The following CPED1 variants were observed in gnomAD, a reference collection of about 807,000 sequenced individuals.
CPED1 encodes the protein cadherin-like and PC-esterase domain-containing protein 1.
A neutral mutation model predicts 128.2 loss-of-function variants in CPED1; 114 were observed. The observed-to-expected ratio is 0.89, with a 90% CI of 0.76 to 1.04. The LOEUF (loss-of-function observed/expected upper bound fraction) is 1.04. Ranked by LOEUF, CPED1 falls within the 50% of genes least tolerant of loss-of-function variation. CPED1 has a pLI of 0.00. For synonymous variants in CPED1, 462 were observed against 426.7 expected, an observed-to-expected ratio of 1.08 and a Z score of -1.02; for missense variants, 1,211 against 1,207.1, an observed-to-expected ratio of 1.00 and a Z score of -0.05.
chr7:121,281,543 C>A (rs762547240), intron 22 of CPED1, among the ~76,000 whole-genome samples: 1 of 152,046 alleles, frequency 6.6e-6, no homozygotes, highest in Non-Finnish European at 1.5e-5. Flanking sequence ...ACTGGCAGAT[C>A]CCTTACCATA....
chr7:121,082,585 C>G (rs1457847612), intron 5 of CPED1, among the ~76,000 whole-genome samples: 1 of 152,086 alleles, frequency 6.6e-6, no homozygotes, highest in Admixed American at 6.6e-5. Flanking sequence ...AAATTTTTAA[C>G]TTATATGTCA....
At chr7:120,996,843 ATATTCTAGG>A (rs2116745075) in intron 2 of CPED1, among the ~76,000 whole-genome samples, 1 of 152,302 alleles carries the variant, frequency 6.6e-6, no homozygotes, top group South Asian at 2.1e-4. Flanking sequence ...ATCTGCCTGC[ATATTCTAGG>A]CAGTCTGTGC....
intron 3 of CPED1, among the ~76,000 whole-genome samples, chr7:121,017,532 T>A (rs1792332622): frequency 6.6e-6 from 1 of 152,166 alleles, no homozygotes; most frequent in Non-Finnish European, 1.5e-5. Context: ...TACTGCACAC[T>A]GCCATGGGAC....
At chr7:121,148,206 A>AGTGAAG (rs1170253541) in intron 16 of CPED1, among the ~76,000 whole-genome samples, 1 of 152,218 alleles carries the variant, frequency 6.6e-6, no homozygotes, top group African/African-American at 2.4e-5. Flanking sequence ...TATGTGCTAT[A>AGTGAAG]GTGAAGTGCT....
chr7:121,266,537 C>T, intron 19 of CPED1, 90 bp downstream of exon 19: 2 of 1,235,076 alleles, frequency 1.6e-6, no homozygotes, highest in Non-Finnish European at 2.4e-6. Flanking sequence ...CACTGTACAT[C>T]AAATGTGCTC....
intron 5 of CPED1, among the ~76,000 whole-genome samples, chr7:121,089,612 G>C (rs1435117153): frequency 2.0e-5 from 3 of 152,016 alleles, no homozygotes; most frequent in African/African-American, 7.2e-5. Context: ...TTATTATTCT[G>C]ACTTAAATTA....
At chr7:121,270,730 C>T (rs935417735) in intron 21 of CPED1, among the ~76,000 whole-genome samples, 2 of 151,962 alleles carry the variant, frequency 1.3e-5, no homozygotes, top group African/African-American at 4.8e-5. Flanking sequence ...CTTCATTGGT[C>T]TATGTGTCTG....
chr7:121,016,383 G>A lies in CPED1; in HGVS notation c.433+535G>A, dbSNP rs1185822687. On this transcript the variant is annotated intron_variant, in intron 3 of 22. Coordinates refer to ENST00000310396, the MANE Select transcript of CPED1 (RefSeq NM_024913.5). ...ACAAGTTATTTGCAAAGAAAGTTGA[G>A]TAAATAATGAGAGTCAAAAGGGCAA... 3.9e-5 allele frequency among the ~76,000 whole-genome samples: 6 copies of A among 152,326 alleles called. 1 individual carries two copies. The highest frequency in any genetic ancestry group is 5.9e-5 in the Non-Finnish European group (4 of 68,036).
chr7:121,168,364 T>A (rs887747035), intron 16 of CPED1, among the ~76,000 whole-genome samples: 2 of 152,242 alleles, frequency 1.3e-5, no homozygotes, highest in African/African-American at 2.4e-5. Flanking sequence ...ATCTAAAGAA[T>A]CAAGACTTTG....
intron 18 of CPED1, among the ~76,000 whole-genome samples, chr7:121,265,437 T>A (rs1165520821): frequency 6.6e-6 from 1 of 152,008 alleles, no homozygotes; most frequent in Non-Finnish European, 1.5e-5. Context: ...TGGTATGCAA[T>A]AAAAACAGTA....
intron 14 of CPED1, among the ~76,000 whole-genome samples, chr7:121,138,778 C>T (rs530623539): frequency 4.3e-4 from 65 of 152,114 alleles, no homozygotes; most frequent in Admixed American, 1.9e-3. Context: ...CAGAAAAGTG[C>T]GACTGTTTCT....
rs181465782 is a variant in CPED1, at chr7:121,154,475, A to G, written c.2055+12334A>G. 1.0e-3 allele frequency among the ~76,000 whole-genome samples: 152 copies of G among 151,996 alleles called. No individual in the cohort carries two copies. In the East Asian group the frequency reaches 0.012, roughly 12 times the overall value. On this transcript the variant is annotated intron_variant, in intron 16 of 22. Transcript: ENST00000310396. ...TTTTTGAGGTATATTCATTCTATAT[A>G]CATTTTGATAAGGATTTTTATCACA...
intron 16 of CPED1, among the ~76,000 whole-genome samples, chr7:121,172,414 T>C (rs1435648024): frequency 2.0e-5 from 3 of 151,792 alleles, no homozygotes; most frequent in Admixed American, 6.6e-5. Flanking sequence ...GTGGAACAAC[T>C]AGAGATATTT....
At chr7:121,282,974 G>T (rs1224149703) in intron 22 of CPED1, among the ~76,000 whole-genome samples, 1 of 152,096 alleles carries the variant, frequency 6.6e-6, no homozygotes, top group Non-Finnish European at 1.5e-5. Context: ...AATTCTACAA[G>T]ATACAGAATC....
At chr7:121,163,091 C>T (rs182304809) in intron 16 of CPED1, among the ~76,000 whole-genome samples, 13 of 152,302 alleles carry the variant, frequency 8.5e-5, no homozygotes, top group African/African-American at 3.1e-4. Context: ...TCCTCCAGTT[C>T]TAGGACTTAA....
rs149841987 is a variant in CPED1, at chr7:121,139,438, T to C, written c.1700-1389T>C. ...TTGTATTAGTCCATAATGGGAGCTATACAGAGACCTAGTCCCCAGAACTAG... is the reference window on the plus strand; with the variant it reads ...TTGTATTAGTCCATAATGGGAGCTACACAGAGACCTAGTCCCCAGAACTAG... On this transcript the variant is annotated intron_variant, in intron 14 of 22. Transcript: ENST00000310396. 3.3e-5 allele frequency among the ~76,000 whole-genome samples: 5 copies of C among 152,062 alleles called. No homozygotes were observed. In the East Asian group the frequency reaches 9.7e-4, roughly 29 times the overall value.
chr7:121,201,205 CAA>C (rs1797388920), intron 16 of CPED1, among the ~76,000 whole-genome samples: 1 of 151,972 alleles, frequency 6.6e-6, no homozygotes, highest in Non-Finnish European at 1.5e-5. Context: ...CCAAGAAAGA[CAA>C]AGTTATAGAA....
chr7:121,214,386 A>C (rs1022078462), intron 16 of CPED1, among the ~76,000 whole-genome samples: 1 of 151,964 alleles, frequency 6.6e-6, no homozygotes, highest in Non-Finnish European at 1.5e-5. Context: ...TCCGCCTCAC[A>C]AGATCAAGGG....
chr7:121,042,178 G>T (rs1027042325), intron 3 of CPED1, among the ~76,000 whole-genome samples: 8 of 151,932 alleles, frequency 5.3e-5, no homozygotes, highest in Admixed American at 5.2e-4. Context: ...TTCAAAAATA[G>T]GTAGAGGCCA....
Sources: allele counts gnomAD v4.1 joint callset (sites outside exome capture counted in the v4.1 genomes callset), GRCh38; gene constraint gnomAD v4.1.1; transcripts MANE v1.5; gene names NCBI Gene and HGNC (gene_info 2026-07-23, HGNC 2026-07-21).